The following PTPRN2 variants were observed in gnomAD, a reference collection of about 807,000 sequenced individuals.
PTPRN2 encodes protein tyrosine phosphatase receptor type N2.
A neutral mutation model predicts 118.8 loss-of-function variants in PTPRN2; 74 were observed. The observed-to-expected ratio is 0.62, with a 90% CI of 0.52 to 0.76. The LOEUF (loss-of-function observed/expected upper bound fraction) is 0.76, where lower values mean the gene tolerates loss of function less well. PTPRN2 is among the 30% of genes least tolerant of loss of function. The pLI is 0.00. For synonymous variants in PTPRN2, 641 were observed against 608.0 expected (o/e 1.05, Z -0.80); for missense variants, 1,481 against 1,394.4 (o/e 1.06, Z -0.99).
chr7:157,889,954 CAT>C (rs751577192), intron 12 of PTPRN2, among the ~76,000 whole-genome samples: 14 of 152,248 alleles, frequency 9.2e-5, no homozygotes, highest in South Asian at 4.1e-4. Context: ...TGTGCACACA[CAT>C]GTTTACACAG....
At chr7:157,843,178 T>C (rs1808559795) in intron 12 of PTPRN2, among the ~76,000 whole-genome samples, 1 of 152,218 alleles carries the variant, frequency 6.6e-6, no homozygotes, top group Non-Finnish European at 1.5e-5. Flanking sequence ...CCTTCAAATG[T>C]GTGAGAACCC....
chr7:157,816,619 G>T lies in PTPRN2; in HGVS notation c.1788+82054C>A, dbSNP rs111723019. On this transcript the variant is annotated intron_variant, in intron 12 of 22. Coordinates refer to ENST00000389418, the MANE Select transcript of PTPRN2 (RefSeq NM_002847.5). ...GCCTGTCTCCAGGAGGGGCCCGGGGGCAGGCACTGAAGCCCCCGCAGTCTA... is the reference window on the plus strand; with the variant it reads ...GCCTGTCTCCAGGAGGGGCCCGGGGTCAGGCACTGAAGCCCCCGCAGTCTA... Among the ~76,000 whole-genome samples the T allele has an allele frequency of 3.9e-3, 597 of 152,328 alleles. 7 individuals are homozygous for T. Among genetic ancestry groups the T allele is most frequent in the African/African-American group, 0.014 (565 of 41,568 alleles).
intron 5 of PTPRN2, among the ~76,000 whole-genome samples, chr7:158,179,548 A>T (rs1209576702): frequency 6.6e-6 from 1 of 152,210 alleles, no homozygotes; most frequent in African/African-American, 2.4e-5. Flanking sequence ...CTTACCCATG[A>T]ACTCTTTGCC....
intron 11 of PTPRN2, among the ~76,000 whole-genome samples, chr7:157,982,631 AGAGAC>A (rs1408232630): frequency 6.8e-6 from 1 of 146,366 alleles, no homozygotes; most frequent in African/African-American, 2.5e-5. Context: ...CCCGAGTCAC[AGAGAC>A]GAGGAGGGGG....
intron 12 of PTPRN2, among the ~76,000 whole-genome samples, chr7:157,851,043 G>A (rs1310159527): frequency 1.3e-5 from 2 of 152,214 alleles, no homozygotes; most frequent in East Asian, 1.9e-4. Flanking sequence ...GGGAGGTACC[G>A]TGCAGAGCCT....
At chr7:158,026,423 T>G (rs1325681335) in intron 11 of PTPRN2, among the ~76,000 whole-genome samples, 1 of 152,198 alleles carries the variant, frequency 6.6e-6, no homozygotes, top group African/African-American at 2.4e-5. Context: ...GCACCAAGGC[T>G]GCCCTCAGAT....
chr7:158,129,107 C>T (rs970097179), intron 9 of PTPRN2, among the ~76,000 whole-genome samples: 1 of 151,540 alleles, frequency 6.6e-6, no homozygotes, highest in Non-Finnish European at 1.5e-5. Context: ...ACACACCACA[C>T]ACAACACATA....
chr7:157,980,779 A>G (rs962773160), intron 11 of PTPRN2, among the ~76,000 whole-genome samples: 1 of 152,184 alleles, frequency 6.6e-6, no homozygotes, highest in African/African-American at 2.4e-5. Flanking sequence ...AAAAGATACT[A>G]CGTGATTGTA....
In PTPRN2 at chr7:157,622,482, A is replaced by G. The variant is rs1803316188; in HGVS notation, c.2197-973T>C. On this transcript the variant is annotated intron_variant, in intron 14 of 22. Transcript: ENST00000389418. The surrounding 1 kb of genome is among the most constrained non-coding windows in gnomAD (Gnocchi z 5.3). ...GAGCTGGGATGGTCCCTCCCTGCCC[A>G]CTGGGGCCCGTTCCAGGAGACAGGT... Among the ~76,000 whole-genome samples the G allele has an allele frequency of 1.3e-5, 2 of 151,942 alleles. No individual in the cohort carries two copies. The highest frequency in any genetic ancestry group is 4.1e-4 in the South Asian group (2 of 4,822).
At chr7:158,087,227 C>T (rs764114443) in intron 10 of PTPRN2, among the ~76,000 whole-genome samples, 7 of 152,224 alleles carry the variant, frequency 4.6e-5, no homozygotes, top group Admixed American at 6.5e-5. Context: ...AGTCCCCGCA[C>T]GCTGTACTGC....
rs150570107 is a variant in PTPRN2 at position 157,988,877 on chromosome 7, G to C, written c.1724-90140C>G. Among the ~76,000 whole-genome samples the C allele has an allele frequency of 6.2e-4, 94 of 152,342 alleles. 1 individual carries two copies. Among genetic ancestry groups the C allele is most frequent in the South Asian group, 1.2e-3 (6 of 4,828 alleles). ...TGGGGTGCATCCCCTTCTCACATCT[G>C]TGTCTAAAGCCAGGAATGGGCAGTG... On this transcript the variant is annotated intron_variant, in intron 11 of 22. Coordinates refer to ENST00000389418, the MANE Select transcript of PTPRN2 (RefSeq NM_002847.5).
intron 11 of PTPRN2, among the ~76,000 whole-genome samples, chr7:157,947,085 G>A (rs967040246): frequency 1.2e-4 from 19 of 152,192 alleles, no homozygotes; most frequent in Non-Finnish European, 2.2e-4. Flanking sequence ...CATCAGCATA[G>A]ATGGGAGCTG....
At chr7:157,930,974 C>T (rs1799321982) in intron 11 of PTPRN2, among the ~76,000 whole-genome samples, 1 of 152,142 alleles carries the variant, frequency 6.6e-6, no homozygotes, top group South Asian at 2.1e-4. Context: ...GAAGGGCAGC[C>T]CTCTCCCCTG....
chr7:158,044,382 T>C (rs1808689387), intron 11 of PTPRN2, among the ~76,000 whole-genome samples: 1 of 152,088 alleles, frequency 6.6e-6, no homozygotes, highest in African/African-American at 2.4e-5. Flanking sequence ...GGGCCCCTTC[T>C]CCCCGCACAT....
chr7:157,938,335 G>C (rs911561224), intron 11 of PTPRN2, among the ~76,000 whole-genome samples: 1 of 152,246 alleles, frequency 6.6e-6, no homozygotes, highest in Non-Finnish European at 1.5e-5. Context: ...CATGCCTGCA[G>C]TGTCATCCCT....
At chr7:157,811,332 T>TTATATATATTTATATATATATA (rs1554455382) in intron 12 of PTPRN2, among the ~76,000 whole-genome samples, 95 of 131,286 alleles carry the variant, frequency 7.2e-4, no homozygotes, top group African/African-American at 2.3e-3. Flanking sequence ...ATCTACTCTA[T>TTATATATATTTATATATATATA]TATATATATA....
At chr7:157,962,589 C>T (rs1055630341) in intron 11 of PTPRN2, among the ~76,000 whole-genome samples, 1 of 152,200 alleles carries the variant, frequency 6.6e-6, no homozygotes. Flanking sequence ...GACCCCAGGC[C>T]TTTTATTGGT....
At chr7:157,607,764 GGAAAATTAA>G (rs1802091363) in intron 15 of PTPRN2, among the ~76,000 whole-genome samples, 1 of 152,166 alleles carries the variant, frequency 6.6e-6, no homozygotes, top group African/African-American at 2.4e-5. Flanking sequence ...TTTTCTCATT[GGAAAATTAA>G]GAAAATGCTT....
At chr7:158,188,756 C>T (rs954820872) in intron 5 of PTPRN2, among the ~76,000 whole-genome samples, 36 of 151,564 alleles carry the variant, frequency 2.4e-4, no homozygotes, top group Non-Finnish European at 4.0e-4. Flanking sequence ...TGGGGAAGGC[C>T]GCCACGCTCA....
Sources: allele counts gnomAD v4.1 joint callset (sites outside exome capture counted in the v4.1 genomes callset), GRCh38; gene constraint gnomAD v4.1.1; non-coding constraint Gnocchi (gnomAD v3.1); transcripts MANE v1.5; gene names NCBI Gene and HGNC (gene_info 2026-07-23, HGNC 2026-07-21).